Variants in CDH23 observed in about 807,000 individuals in gnomAD.
CDH23 encodes cadherin-23.
A neutral mutation model predicts 317.1 loss-of-function variants in CDH23; 189 were observed. The ratio of observed to expected loss-of-function variants is 0.60; its 90% CI spans 0.53 to 0.67. CDH23 has a LOEUF of 0.67. Ranked by LOEUF, CDH23 falls within the 30% of genes least tolerant of loss-of-function variation. CDH23 has a pLI of 0.00. For missense variants in CDH23, 4,401 were observed against 4,592.4 expected (o/e 0.96, Z 1.20); for synonymous variants, 1,839 against 1,876.8 (o/e 0.98, Z 0.52).
intron 3 of CDH23, among the ~76,000 whole-genome samples, chr10:71,484,146 A>T (rs1393198592): frequency 6.6e-6 from 1 of 152,132 alleles, no homozygotes; most frequent in African/African-American, 2.4e-5. Flanking sequence ...AGGTGGGAGG[A>T]CGCGAGAACA....
At position 71,803,052 on chromosome 10, in the gene CDH23, A is replaced by G; in HGVS notation, c.7637A>G (p.Tyr2546Cys). Reference sequence around the variant, plus strand: ...GAAGGTCCCAATGGAGAGTTGACCTACTCACTTGAGGGCCCTGGCGTGGGT... The same window carrying G: ...GAAGGTCCCAATGGAGAGTTGACCTGCTCACTTGAGGGCCCTGGCGTGGGT... Reference protein sequence around the residue: ...QDEGPNGELTYSLEGPGVEAF... With the variant: ...QDEGPNGELTCSLEGPGVEAF... Residue 2546 changes from tyrosine (Y) to cysteine (C), a missense_variant, in exon 54 of 70, where the codon TAC becomes TGC. By Grantham distance (194) the Tyr-to-Cys change is radical (BLOSUM62 -2). This residue lies in a region of CDH23 where 1,144 missense variants were observed against 1,138.2 expected (regional missense o/e 1.01). Coordinates refer to ENST00000224721, the MANE Select transcript of CDH23 (RefSeq NM_022124.6). The G allele has an allele frequency of 6.2e-7, 1 of 1,611,862 alleles. No homozygotes were observed. The highest frequency in any genetic ancestry group is 1.3e-5 in the African/African-American group (1 of 74,820).
At chr10:71,642,707 G>A (rs555879107) in intron 11 of CDH23, among the ~76,000 whole-genome samples, 4 of 152,242 alleles carry the variant, frequency 2.6e-5, no homozygotes, top group South Asian at 2.1e-4. Flanking sequence ...GCCTGGGCCC[G>A]GCCTCTTATC....
chr10:71,699,782 G>T (rs147991974), intron 22 of CDH23, among the ~76,000 whole-genome samples: 3 of 152,256 alleles, frequency 2.0e-5, no homozygotes, highest in Admixed American at 6.5e-5. Flanking sequence ...CTACAAAATC[G>T]CCCAGCAGGG....
rs538363968 is a variant in CDH23, at chr10:71,463,343, C to T, written c.145+16948C>T. 2.0e-5 allele frequency among the ~76,000 whole-genome samples: 3 copies of T among 152,320 alleles called. No homozygotes were observed. In the South Asian group the frequency reaches 6.2e-4, roughly 32 times the overall value. On this transcript the variant is annotated intron_variant, in intron 3 of 69. Transcript: ENST00000224721. ...CCCAACACAGAGTCTGGCACACCAT[C>T]AAGGCCAGTAAATCCCAGCCTGTCC...
rs555522823 is a variant in CDH23, at chr10:71,593,920, A to C, written c.832+15928A>C. Among the ~76,000 whole-genome samples the C allele has an allele frequency of 2.0e-4, 30 of 152,256 alleles. 1 individual carries two copies. The South Asian group carries it at 5.8e-3, about 30-fold the overall frequency. On this transcript the variant is annotated intron_variant, in intron 9 of 69. Transcript: ENST00000224721. Reference sequence around the variant, plus strand: ...TGGATCACTGAGGCCAGGAGTTTAGACCAGCCTGGGCAACGGAGTAAGGCC... The same window carrying C: ...TGGATCACTGAGGCCAGGAGTTTAGCCCAGCCTGGGCAACGGAGTAAGGCC...
intron 1 of CDH23, among the ~76,000 whole-genome samples, chr10:71,430,966 G>A (rs1021412304): frequency 3.3e-5 from 5 of 152,208 alleles, no homozygotes; most frequent in African/African-American, 1.2e-4. Flanking sequence ...TAAAAAGCTA[G>A]GAGTCGGATA....
chr10:71,656,604 G>A (rs895215348), intron 14 of CDH23, among the ~76,000 whole-genome samples: 1 of 152,218 alleles, frequency 6.6e-6, no homozygotes, highest in Non-Finnish European at 1.5e-5. Context: ...GGGGCGGGGA[G>A]TGCCAGGGCT....
intron 48 of CDH23, among the ~76,000 whole-genome samples, chr10:71,794,160 C>T (rs571650474): frequency 3.3e-5 from 5 of 152,264 alleles, no homozygotes; most frequent in African/African-American, 9.6e-5. Flanking sequence ...TGCCACCACA[C>T]CCAGCTAATT....
chr10:71,798,382 C>T lies in CDH23; in HGVS notation c.6858C>T (p.Val2286=). The change falls in exon 50 of 70, where the codon GTC becomes GTT. Residue 2286 remains valine (V), a synonymous_variant. Transcript: ENST00000224721. ...AGCTGACTGTCAACGTCCTGGACGTCAATGACAATACGCCCCAGTTCAAGC... is the reference window on the plus strand; with the variant it reads ...AGCTGACTGTCAACGTCCTGGACGTTAATGACAATACGCCCCAGTTCAAGC... ...NAKLTVNVLD[V]NDNTPQFKPF... 6.2e-7 allele frequency: 1 copy of T among 1,613,920 alleles called. No individual in the cohort carries two copies. The highest frequency in any genetic ancestry group is 8.5e-7 in the Non-Finnish European group (1 of 1,179,814).
intron 8 of CDH23, among the ~76,000 whole-genome samples, chr10:71,577,578 A>C (rs774458430): frequency 1.3e-5 from 2 of 152,176 alleles, no homozygotes; most frequent in Non-Finnish European, 2.9e-5. Context: ...CAGCAACGTG[A>C]TGGGTGGTTG....
chr10:71,418,394 T>C (rs1036063933), intron 1 of CDH23, among the ~76,000 whole-genome samples: 2 of 152,190 alleles, frequency 1.3e-5, no homozygotes, highest in African/African-American at 4.8e-5. Context: ...TTGTAATGCT[T>C]CATTTTCATC....
intron 38 of CDH23, among the ~76,000 whole-genome samples, chr10:71,768,471 G>A (rs916970318): frequency 1.3e-4 from 19 of 145,042 alleles, no homozygotes; most frequent in Admixed American, 4.1e-4. Flanking sequence ...GTGCCTGGCC[G>A]TTTGGTTGGT....
chr10:71,690,570 T>C lies in CDH23; in HGVS notation c.2162T>C (p.Ile721Thr), dbSNP rs1458002238. ...TTGGAAGGCTCCACCCAGTTTCGGATCAATGCCCGCTCAGGTGAGCCCCCC... is the reference window on the plus strand; with the variant it reads ...TTGGAAGGCTCCACCCAGTTTCGGACCAATGCCCGCTCAGGTGAGCCCCCC... The part of the protein sequence containing the change: ...YSLEGSTQFR[I>T]NARSGEITTT... The change falls in exon 20 of 70, where the codon ATC (isoleucine) becomes ACC (threonine). Residue 721 changes from isoleucine to threonine, a missense_variant. By Grantham distance (89) the Ile-to-Thr change is moderately conservative. Coordinates refer to ENST00000224721, the MANE Select transcript of CDH23 (RefSeq NM_022124.6). 3 of 1,602,210 alleles carry C rather than the reference T, an allele frequency of 1.9e-6. No homozygotes were observed. The highest frequency in any genetic ancestry group is 2.6e-6 in the Non-Finnish European group (3 of 1,174,336).
At chr10:71,470,451 C>T (rs772589292) in intron 3 of CDH23, among the ~76,000 whole-genome samples, 1 of 152,062 alleles carries the variant, frequency 6.6e-6, no homozygotes, top group Non-Finnish European at 1.5e-5. Flanking sequence ...TTCTCCCTTC[C>T]TCCTACCCCC....
In CDH23 at chr10:71,805,830, T is replaced by C; in HGVS notation, c.7897T>C (p.Tyr2633His). ...GGAGATCCCGCTGCGCTCCAACGTG[T>C]ACGAGGTCTACGCCACGGACAAGGA... ...REEIPLRSNVYEVYATDKDEG... is the reference protein window; with the variant it reads ...REEIPLRSNVHEVYATDKDEG... The change falls in exon 56 of 70, where the codon TAC becomes CAC. Residue 2633 changes from tyrosine (Y) to histidine (H), a missense_variant. Tyr to His is a moderately conservative substitution (Grantham distance 83). Coordinates refer to ENST00000224721, the MANE Select transcript of CDH23 (RefSeq NM_022124.6). 6.2e-7 allele frequency: 1 copy of C among 1,613,676 alleles called. No individual in the cohort carries two copies. The highest frequency in any genetic ancestry group is 8.5e-7 in the Non-Finnish European group (1 of 1,179,810).
At chr10:71,617,488 A>C (rs961759623) in intron 11 of CDH23, 95 bp downstream of exon 11, 3 of 1,531,576 alleles carry the variant, frequency 2.0e-6, no homozygotes, top group Non-Finnish European at 2.6e-6. Flanking sequence ...TAAAATAGAA[A>C]CAAACATTGC....
In CDH23 at chr10:71,802,679, G is replaced by A. The variant is rs577495678; in HGVS notation, c.7483-219G>A. On this transcript the variant is annotated intron_variant, in intron 53 of 69. Coordinates refer to ENST00000224721, the MANE Select transcript of CDH23 (RefSeq NM_022124.6). ...GTTGTTGAGTGTTTACTTGAGCCAC[G>A]CACTGTGCCAAGGATCTAGGATTGT... 8.5e-5 allele frequency among the ~76,000 whole-genome samples: 13 copies of A among 152,296 alleles called. No individual in the cohort carries two copies. In the East Asian group the frequency reaches 2.1e-3, roughly 25 times the overall value.
intron 18 of CDH23, among the ~76,000 whole-genome samples, chr10:71,685,462 AACTCACTTTTTGTCCCTG>A (rs1257871373): frequency 2.0e-5 from 3 of 152,148 alleles, no homozygotes; most frequent in Admixed American, 2.0e-4. Flanking sequence ...GAAGGGACTG[AACTCACTTTTTGTCCCTG>A]CAAATAAAAG....
chr10:71,455,957 C>A (rs72642233), intron 3 of CDH23, among the ~76,000 whole-genome samples: 1,819 of 152,206 alleles, frequency 0.012, 83 homozygotes, highest in East Asian at 0.12. Context: ...ACTTCGCACA[C>A]CAGCTGCAGA....
Sources: gnomAD v4.1 joint callset for allele counts (sites outside exome capture counted in the v4.1 genomes callset) on GRCh38, gnomAD v4.1.1 for gene constraint, gnomAD v4.1.1 regional missense constraint, MANE v1.5 for transcripts, NCBI Gene and HGNC (gene_info 2026-07-23, HGNC 2026-07-21) for gene names.